Variants in ZBTB20 observed in about 807,000 individuals in gnomAD.
ZBTB20 encodes the protein zinc finger and BTB domain containing 20.
ZBTB20 carries 9 observed loss-of-function variants against 56.9 expected under a neutral mutation model. That is an observed-to-expected ratio of 0.16 (90% CI 0.10 to 0.28). The LOEUF (loss-of-function observed/expected upper bound fraction) is 0.28. Among genes scored for constraint, ZBTB20 ranks in the 10% least tolerant of loss-of-function variants. The pLI, the probability that ZBTB20 is intolerant of heterozygous loss-of-function variation, is 1.00. For missense variants in ZBTB20, 655 were observed against 1,003.0 expected, an observed-to-expected ratio of 0.65 and a Z score of 4.69; for synonymous variants, 417 against 420.7, an observed-to-expected ratio of 0.99 and a Z score of 0.11.
intron 2 of ZBTB20, among the ~76,000 whole-genome samples, chr3:115,032,219 T>C (rs973246678): frequency 6.6e-6 from 1 of 151,432 alleles, no homozygotes. Context: ...GCTTTCTTTA[T>C]AAAATGGCTT....
chr3:114,546,353 C>T (rs1295905408), intron 6 of ZBTB20, among the ~76,000 whole-genome samples: 1 of 152,080 alleles, frequency 6.6e-6, no homozygotes, highest in Non-Finnish European at 1.5e-5. Context: ...TGGCCCACTA[C>T]CTCTGAAAAC....
chr3:115,014,735 G>A (rs2079872645), intron 2 of ZBTB20, among the ~76,000 whole-genome samples: 1 of 151,720 alleles, frequency 6.6e-6, no homozygotes, highest in Admixed American at 6.6e-5. Context: ...AAATTTCAAA[G>A]TGTCTGTTTA....
At chr3:115,011,831 TA>T (rs962309659) in intron 2 of ZBTB20, among the ~76,000 whole-genome samples, 5 of 151,412 alleles carry the variant, frequency 3.3e-5, no homozygotes, top group African/African-American at 1.2e-4. Context: ...GATGAACCGA[TA>T]AAAAAAATAA....
chr3:114,662,959 ACT>A (rs2060826202), intron 6 of ZBTB20, among the ~76,000 whole-genome samples: 1 of 151,282 alleles, frequency 6.6e-6, no homozygotes, highest in Admixed American at 6.6e-5. Context: ...GTTGGAAAAC[ACT>A]CTGCAGGATA....
chr3:114,364,127 T>C (rs181308495), intron 10 of ZBTB20, among the ~76,000 whole-genome samples: 1 of 152,238 alleles, frequency 6.6e-6, no homozygotes, highest in East Asian at 1.9e-4. Context: ...GTTATTTCAG[T>C]ACATAAATTA....
chr3:115,066,691 C>T (rs2082219475), intron 2 of ZBTB20, among the ~76,000 whole-genome samples: 1 of 152,098 alleles, frequency 6.6e-6, no homozygotes. Context: ...TCATGATAGG[C>T]ACCTACTTAT....
chr3:114,472,050 T>C (rs1190601080), intron 7 of ZBTB20, among the ~76,000 whole-genome samples: 1 of 152,142 alleles, frequency 6.6e-6, no homozygotes, highest in Non-Finnish European at 1.5e-5. Context: ...AAAGATAATT[T>C]TATGAAAAGA....
At chr3:114,808,351 TATA>T (rs1214130724) in intron 4 of ZBTB20, among the ~76,000 whole-genome samples, 3 of 151,984 alleles carry the variant, frequency 2.0e-5, no homozygotes, top group African/African-American at 7.2e-5. Flanking sequence ...ATTATGAGGT[TATA>T]ATATTTGTTC....
intron 3 of ZBTB20, among the ~76,000 whole-genome samples, chr3:114,911,042 G>A (rs1002202167): frequency 6.6e-6 from 1 of 151,574 alleles, no homozygotes; most frequent in African/African-American, 2.4e-5. Flanking sequence ...TCCTATTCTT[G>A]TTCTTCAATA....
chr3:114,407,719 A>G (rs547851950), intron 7 of ZBTB20, among the ~76,000 whole-genome samples: 11 of 152,326 alleles, frequency 7.2e-5, no homozygotes, highest in Admixed American at 5.2e-4. Flanking sequence ...CAGTGTTCAG[A>G]GAAGTAACAT....
rs576929199 is a variant in ZBTB20 at position 114,335,759 on chromosome 3, G to A, written c.*3246C>T. 1.6e-4 allele frequency: 24 copies of A among 152,220 alleles called. No homozygotes were observed. Among genetic ancestry groups the A allele is most frequent in the African/African-American group, 5.8e-4 (24 of 41,532 alleles). The allele number at this position is 152,220 out of a possible 1,614,324, so 9.4% of individuals were successfully genotyped here. ...GGTCCATTTTGTCATGGACTACAAT[G>A]ATTATATCACCTCATTAAGAATTCT... On this transcript the variant is annotated 3_prime_UTR_variant, in exon 12 of 12. Coordinates refer to ENST00000675478, the MANE Select transcript of ZBTB20 (RefSeq NM_001348800.3).
chr3:114,833,661 C>G (rs2073969697), intron 4 of ZBTB20, among the ~76,000 whole-genome samples: 1 of 150,936 alleles, frequency 6.6e-6, no homozygotes, highest in South Asian at 2.1e-4. Flanking sequence ...TTCTGAGTAG[C>G]TGGGACCACA....
At chr3:114,703,141 A>C (rs531786378) in intron 5 of ZBTB20, among the ~76,000 whole-genome samples, 1 of 152,298 alleles carries the variant, frequency 6.6e-6, no homozygotes, top group Non-Finnish European at 1.5e-5. Context: ...AAGAATGAAC[A>C]GTTCTTCAGG....
chr3:114,683,253 C>A (rs1219469417), intron 6 of ZBTB20, among the ~76,000 whole-genome samples: 4 of 152,142 alleles, frequency 2.6e-5, no homozygotes, highest in Non-Finnish European at 4.4e-5. Context: ...CAGAAAAAAT[C>A]TTTACATATC....
At chr3:114,570,108 A>G (rs1050687404) in intron 6 of ZBTB20, among the ~76,000 whole-genome samples, 11 of 152,200 alleles carry the variant, frequency 7.2e-5, no homozygotes, top group African/African-American at 2.4e-5. Context: ...TGCAATAAGG[A>G]TAACAATTTG....
chr3:114,564,133 C>G (rs1006611209), intron 6 of ZBTB20, among the ~76,000 whole-genome samples: 5 of 152,154 alleles, frequency 3.3e-5, no homozygotes, highest in African/African-American at 1.2e-4. Context: ...CTCTCTCTCT[C>G]TCTGACCTCT....
At chr3:114,343,496 C>G (rs1184272077) in intron 11 of ZBTB20, among the ~76,000 whole-genome samples, 1 of 152,064 alleles carries the variant, frequency 6.6e-6, no homozygotes, top group Non-Finnish European at 1.5e-5. Flanking sequence ...GTCAAAAAAC[C>G]AAGACAGGGT....
chr3:114,320,399 A>G lies in ZBTB20; in HGVS notation c.*18606T>C, dbSNP rs2078852054. The G allele has an allele frequency of 6.6e-6, 1 of 152,226 alleles. No individual in the cohort carries two copies. 9.4% of individuals were successfully genotyped at this position (152,226 alleles called of 1,614,324 possible). The stretch of plus-strand genomic sequence containing the variant: ...GACTAACAAAAGTACAATACAATAG[A>G]ATCAGGCATTGCCAAGAATAGCATG... On this transcript the variant is annotated 3_prime_UTR_variant, in exon 12 of 12. Transcript: ENST00000675478.
intron 6 of ZBTB20, chr3:114,624,284 C>T (rs538679495): frequency 1.3e-5 from 2 of 151,436 alleles, no homozygotes; most frequent in Non-Finnish European, 2.9e-5. Flanking sequence ...GAAGGAAAAT[C>T]ACTGGAGCCT....
Sources: allele counts gnomAD v4.1 joint callset (sites outside exome capture counted in the v4.1 genomes callset), GRCh38; gene constraint gnomAD v4.1.1; transcripts MANE v1.5; gene names NCBI Gene and HGNC (gene_info 2026-07-23, HGNC 2026-07-21).